Variants in RPIA observed in about 807,000 individuals in gnomAD.
RPIA encodes the protein ribose-5-phosphate isomerase.
Under a neutral mutation model 37.8 loss-of-function variants are expected in RPIA, and 29 were observed. The ratio of observed to expected loss-of-function variants is 0.77; its 90% CI spans 0.57 to 1.05. The LOEUF (loss-of-function observed/expected upper bound fraction) is 1.05, where lower values mean the gene tolerates loss of function less well. RPIA is among the 50% of genes least tolerant of loss of function. The pLI, the probability that RPIA is intolerant of heterozygous loss-of-function variation, is 0.00. For missense variants in RPIA, 385 were observed against 413.6 expected, an observed-to-expected ratio of 0.93 and a Z score of 0.60; for synonymous variants, 167 against 157.0, an observed-to-expected ratio of 1.06 and a Z score of -0.48.
At chr2:88,693,855 C>T (rs2104064646) in intron 1 of RPIA, among the ~76,000 whole-genome samples, 1 of 152,296 alleles carries the variant, frequency 6.6e-6, no homozygotes, top group South Asian at 2.1e-4. Flanking sequence ...TTTGTATAGC[C>T]ACCTTGGGCC....
chr2:88,726,093 A>C (rs935135691), intron 3 of RPIA, among the ~76,000 whole-genome samples: 2 of 152,130 alleles, frequency 1.3e-5, no homozygotes, highest in African/African-American at 2.4e-5. Flanking sequence ...CAGGGCTTGC[A>C]GAAGTTGAGG....
chr2:88,695,294 G>C (rs887797417), intron 1 of RPIA, among the ~76,000 whole-genome samples: 2 of 152,230 alleles, frequency 1.3e-5, no homozygotes, highest in Non-Finnish European at 2.9e-5. Context: ...GCCTGGACTT[G>C]CATTTGGTAG....
At position 88,691,818 on chromosome 2, in the gene RPIA, C is replaced by T. The variant is rs1355429012; in HGVS notation, c.120C>T (p.His40=). ...GGNSWDLPGS[H]VRLPGRAQSG... ...ACAGCTGGGACCTCCCGGGTTCCCA[C>T]GTGCGGCTGCCGGGGCGTGCACAGT... The change falls in exon 1 of 9, where the codon CAC becomes CAT. Residue 40 remains histidine (H), a synonymous_variant. Transcript: ENST00000283646. 1.9e-6 allele frequency: 3 copies of T among 1,596,732 alleles called. No homozygotes were observed. The highest frequency in any genetic ancestry group is 2.6e-6 in the Non-Finnish European group (3 of 1,173,592).
At chr2:88,721,571 A>ACCCC (rs1156741297) in intron 3 of RPIA, among the ~76,000 whole-genome samples, 4 of 22,982 alleles carry the variant, frequency 1.7e-4, no homozygotes, top group Admixed American at 6.4e-4. Context: ...ACACACACAC[A>ACCCC]CCCCCCCCCC....
At chr2:88,699,121 C>T (rs1407147925) in intron 2 of RPIA, among the ~76,000 whole-genome samples, 5 of 152,240 alleles carry the variant, frequency 3.3e-5, no homozygotes, top group Non-Finnish European at 7.3e-5. Context: ...ATGCTGAATT[C>T]TTCTAGGTGC....
At position 88,734,450 on chromosome 2, in the gene RPIA, C is replaced by A. The variant is rs1673290803; in HGVS notation, c.463-102C>A. On this transcript the variant is annotated intron_variant, in intron 4 of 8. Coordinates refer to ENST00000283646, the MANE Select transcript of RPIA (RefSeq NM_144563.3). ...TGCTAAATGGGAGTACTAGAATTAGCTAACAGGGCTGCTGAGTATCTGATG... is the reference window on the plus strand; with the variant it reads ...TGCTAAATGGGAGTACTAGAATTAGATAACAGGGCTGCTGAGTATCTGATG... 7.3e-6 allele frequency: 8 copies of A among 1,099,086 alleles called. No homozygotes were observed. The Admixed American group carries it at 1.2e-4, about 16-fold the overall frequency. The allele number at this position is 1,099,086 out of a possible 1,614,324, so 68.1% of individuals were successfully genotyped here.
At chr2:88,701,106 A>C (rs952642885) in intron 3 of RPIA, among the ~76,000 whole-genome samples, 18 of 152,276 alleles carry the variant, frequency 1.2e-4, no homozygotes, top group Non-Finnish European at 2.4e-4. Flanking sequence ...GTAGGGTGTA[A>C]GGCAGAGATT....
chr2:88,732,743 A>AT lies in RPIA; in HGVS notation c.463-1809_463-1808insT, dbSNP rs1401186790. ...TAGAGTATAATAAAAAAAAAAAAAA[A>AT]AAAAAAAAAAAAAAAAAAAAAAGAA... On this transcript the variant is annotated intron_variant, in intron 4 of 8. Transcript: ENST00000283646. 1.4e-5 allele frequency among the ~76,000 whole-genome samples: 2 copies of AT among 142,018 alleles called. 1 individual carries two copies. The highest frequency in any genetic ancestry group is 4.2e-4 in the East Asian group (2 of 4,712). The allele number at this position is 142,018 out of a possible 152,430, so 93.2% of individuals were successfully genotyped here.
intron 3 of RPIA, among the ~76,000 whole-genome samples, chr2:88,719,014 A>T (rs1370577008): frequency 6.6e-6 from 1 of 152,158 alleles, no homozygotes; most frequent in African/African-American, 2.4e-5. Flanking sequence ...CTTGATATTC[A>T]TGAATATTTC....
chr2:88,692,021 C>G (rs1002153519), intron 1 of RPIA, 38 bp downstream of exon 1: 45 of 1,547,732 alleles, frequency 2.9e-5, no homozygotes, highest in African/African-American at 2.6e-4. Flanking sequence ...GGCGCATGTC[C>G]TTGGCGTGAT....
chr2:88,696,829 T>A (rs1479407317), intron 1 of RPIA, among the ~76,000 whole-genome samples: 1 of 152,214 alleles, frequency 6.6e-6, no homozygotes, highest in Non-Finnish European at 1.5e-5. Flanking sequence ...GTTGAAGTGC[T>A]ATGGGTGGGC....
At chr2:88,707,254 A>G (rs1040996122) in intron 3 of RPIA, among the ~76,000 whole-genome samples, 1 of 151,322 alleles carries the variant, frequency 6.6e-6, no homozygotes, top group Admixed American at 6.6e-5. Context: ...CTGAAAGAAT[A>G]TTTCTTTTAA....
intron 8 of RPIA, among the ~76,000 whole-genome samples, chr2:88,740,237 G>A (rs73954322): frequency 0.064 from 9,804 of 152,194 alleles, 565 homozygotes; most frequent in African/African-American, 0.15. Context: ...GCTGCTTAAG[G>A]TTCTGAAATG....
chr2:88,707,587 A>T (rs940223591), intron 3 of RPIA, among the ~76,000 whole-genome samples: 4 of 152,208 alleles, frequency 2.6e-5, no homozygotes, highest in Non-Finnish European at 4.4e-5. Context: ...CCCTGGTAAC[A>T]TTCCCAAGTA....
intron 3 of RPIA, among the ~76,000 whole-genome samples, chr2:88,725,451 C>CT: frequency 6.6e-6 from 1 of 152,086 alleles, no homozygotes; most frequent in East Asian, 1.9e-4. Flanking sequence ...AGAATCTGTC[C>CT]TGTGCCTTCC....
In RPIA at chr2:88,735,712, C is replaced by G; in HGVS notation, c.571C>G (p.Arg191Gly). ...QEKIVAGYAS[R>G]FIVIADFRKD... ...GAAGATTGTGGCTGGCTATGCTAGT[C>G]GCTTCATCGTGATCGCTGATTTCAG... Residue 191 changes from arginine (R) to glycine (G), a missense_variant, in exon 6 of 9, where the codon CGC becomes GGC. Coordinates refer to ENST00000283646, the MANE Select transcript of RPIA (RefSeq NM_144563.3). 6.2e-7 allele frequency: 1 copy of G among 1,614,070 alleles called. No homozygotes were observed. The highest frequency in any genetic ancestry group is 1.1e-5 in the South Asian group (1 of 91,050).
At chr2:88,714,330 C>T (rs1382333588) in intron 3 of RPIA, among the ~76,000 whole-genome samples, 25 of 152,182 alleles carry the variant, frequency 1.6e-4, no homozygotes, top group Admixed American at 1.3e-3. Context: ...CCACCACACC[C>T]GGCTAATTTT....
intron 8 of RPIA, among the ~76,000 whole-genome samples, chr2:88,744,633 TTTCTTAGG>T (rs1163251428): frequency 6.6e-6 from 1 of 152,218 alleles, no homozygotes; most frequent in Non-Finnish European, 1.5e-5. Context: ...ATCTATCTCA[TTTCTTAGG>T]TCTAGTAGTA....
rs1429767547 is a variant in RPIA, at chr2:88,722,234, C to A, written c.403-7044C>A. On this transcript the variant is annotated intron_variant, in intron 3 of 8. Transcript: ENST00000283646. ...CTTTTACAACTTGTTTTATACATAACCTTTAAAAAAGCTTTGAACCAAACA... is the reference window on the plus strand; with the variant it reads ...CTTTTACAACTTGTTTTATACATAAACTTTAAAAAAGCTTTGAACCAAACA... 2.0e-5 allele frequency among the ~76,000 whole-genome samples: 3 copies of A among 151,794 alleles called. No individual in the cohort carries two copies. In the East Asian group the frequency reaches 5.8e-4, roughly 29 times the overall value.
Sources: allele counts gnomAD v4.1 joint callset (sites outside exome capture counted in the v4.1 genomes callset), GRCh38; gene constraint gnomAD v4.1.1; transcripts MANE v1.5; gene names NCBI Gene and HGNC (gene_info 2026-07-23, HGNC 2026-07-21).